PLEKHA5: variants seen among roughly 807,000 people sequenced by gnomAD.
PLEKHA5 encodes the protein pleckstrin homology domain containing A5.
Under a neutral mutation model 181.9 loss-of-function variants are expected in PLEKHA5, and 55 were observed. That is an observed-to-expected ratio of 0.30 (90% CI 0.24 to 0.38). The LOEUF is 0.38. PLEKHA5 is among the 10% of genes least tolerant of loss of function. PLEKHA5 has a pLI of 1.00. For synonymous variants in PLEKHA5, 535 were observed against 529.4 expected, an observed-to-expected ratio of 1.01 and a Z score of -0.15; for missense variants, 1,432 against 1,549.5, an observed-to-expected ratio of 0.92 and a Z score of 1.27.
chr12:19,157,097 T>TACACACACACAC (rs3056384), intron 3 of PLEKHA5, among the ~76,000 whole-genome samples: 2,053 of 143,246 alleles, frequency 0.014, 35 homozygotes, highest in Non-Finnish European at 0.018. Flanking sequence ...TATATGTACA[T>TACACACACACAC]ACACACACAC....
intron 3 of PLEKHA5, among the ~76,000 whole-genome samples, chr12:19,211,068 A>G (rs2056793237): frequency 6.6e-6 from 1 of 152,172 alleles, no homozygotes; most frequent in African/African-American, 2.4e-5. Flanking sequence ...GGACTATTAC[A>G]TTATATTCTT....
chr12:19,142,770 A>C, intron 3 of PLEKHA5, among the ~76,000 whole-genome samples: 1 of 152,156 alleles, frequency 6.6e-6, no homozygotes, highest in East Asian at 1.9e-4. Context: ...TTCATCTTCT[A>C]TAAGTGTAAC....
At position 19,287,455 on chromosome 12, in the gene PLEKHA5, G is replaced by A. The variant is rs751055127; in HGVS notation, c.1780-18G>A. The A allele has an allele frequency of 2.0e-6, 3 of 1,529,500 alleles. No individual in the cohort carries two copies. In the East Asian group the frequency reaches 6.8e-5, roughly 34 times the overall value. The allele number at this position is 1,529,500 out of a possible 1,614,324, so 94.7% of individuals were successfully genotyped here. On this transcript the variant is annotated intron_variant, in intron 12 of 31. Coordinates refer to ENST00000429027, the MANE Select transcript of PLEKHA5 (RefSeq NM_001256470.2). ...AAAAACTTTACCACAGAATTACATT[G>A]TGCCTTTACTTTCCTAGCATGTCTA...
At chr12:19,176,749 G>C (rs1209507512) in intron 3 of PLEKHA5, among the ~76,000 whole-genome samples, 1 of 152,016 alleles carries the variant, frequency 6.6e-6, no homozygotes, top group Admixed American at 6.6e-5. Flanking sequence ...TTAACTTTCT[G>C]TATTTACTTA....
chr12:19,324,102 C>T (rs1279088109), intron 20 of PLEKHA5, among the ~76,000 whole-genome samples: 2 of 152,076 alleles, frequency 1.3e-5, no homozygotes, highest in African/African-American at 2.4e-5. Flanking sequence ...CTTCAATGGG[C>T]TAGGGAGCAG....
intron 3 of PLEKHA5, chr12:19,147,027 C>T (rs978808348): frequency 9.2e-5 from 14 of 152,082 alleles, no homozygotes; most frequent in African/African-American, 2.7e-4. Context: ...AGATAAAGTA[C>T]GTGGGTATAT....
At chr12:19,223,787 C>T (rs1000194958) in intron 3 of PLEKHA5, among the ~76,000 whole-genome samples, 1 of 152,090 alleles carries the variant, frequency 6.6e-6, no homozygotes, top group Non-Finnish European at 1.5e-5. Flanking sequence ...TTAATGGGGT[C>T]AAGCAGCAGA....
chr12:19,207,608 A>G (rs1480526675), intron 3 of PLEKHA5: 1 of 152,184 alleles, frequency 6.6e-6, no homozygotes, highest in African/African-American at 2.4e-5. Flanking sequence ...CGTTTGGGGA[A>G]TAATAGACCA....
At chr12:19,371,970 T>C (rs1363128432) in intron 31 of PLEKHA5, 1 of 152,160 alleles carries the variant, frequency 6.6e-6, no homozygotes, top group East Asian at 1.9e-4. Context: ...CATACCAACA[T>C]CTGTTGTTTT....
At chr12:19,305,527 C>A (rs1389339349) in intron 15 of PLEKHA5, among the ~76,000 whole-genome samples, 1 of 142,258 alleles carries the variant, frequency 7.0e-6, no homozygotes, top group African/African-American at 2.6e-5. Context: ...CACTGCTGCA[C>A]TCCAGCCTGG....
chr12:19,227,193 A>G (rs1209027327), intron 3 of PLEKHA5, among the ~76,000 whole-genome samples: 2 of 151,956 alleles, frequency 1.3e-5, no homozygotes, highest in African/African-American at 2.4e-5. Context: ...ACAGAATGTG[A>G]TAGACCATTC....
intron 15 of PLEKHA5, among the ~76,000 whole-genome samples, chr12:19,296,611 C>G (rs1429233806): frequency 1.3e-5 from 2 of 152,112 alleles, no homozygotes; most frequent in South Asian, 4.2e-4. Flanking sequence ...ATGCCTTCTT[C>G]AGCAGATCTA....
chr12:19,181,167 A>G (rs2048470075), intron 3 of PLEKHA5, among the ~76,000 whole-genome samples: 1 of 152,250 alleles, frequency 6.6e-6, no homozygotes, highest in African/African-American at 2.4e-5. Context: ...ATGGAAGACT[A>G]TAGCACATTG....
At chr12:19,150,093 A>T (rs2040018537) in intron 3 of PLEKHA5, 1 of 152,198 alleles carries the variant, frequency 6.6e-6, no homozygotes, top group Admixed American at 6.5e-5. Context: ...GAAATATGGG[A>T]TTACACTTGA....
chr12:19,311,155 C>T lies in PLEKHA5; in HGVS notation c.2038-3659C>T, dbSNP rs1237069849. Among the ~76,000 whole-genome samples the T allele has an allele frequency of 5.3e-5, 8 of 151,208 alleles. No individual in the cohort carries two copies. The East Asian group carries it at 5.8e-4, about 11-fold the overall frequency. ...ACCTCTTTCAGAATTGGAGTGGGGT[C>T]GGGCATGGTGTCTCATGCCTGTCAC... On this transcript the variant is annotated intron_variant, in intron 15 of 31. Transcript: ENST00000429027.
chr12:19,200,193 T>C lies in PLEKHA5; in HGVS notation c.228-53747T>C, dbSNP rs2053867270. The C allele has an allele frequency of 6.4e-6, 4 of 628,736 alleles. No homozygotes were observed. In the South Asian group the frequency reaches 8.5e-5, roughly 13 times the overall value. 38.9% of individuals were successfully genotyped at this position (628,736 alleles called of 1,614,324 possible). ...AGGTGATGGATCCCCTCAAATAACC[T>C]AACTTGATCATTACACTTTCCATGC... On this transcript the variant is annotated intron_variant, in intron 3 of 31. Transcript: ENST00000429027.
At chr12:19,326,684 C>T (rs2092147653) in intron 20 of PLEKHA5, among the ~76,000 whole-genome samples, 1 of 152,144 alleles carries the variant, frequency 6.6e-6, no homozygotes. Context: ...ACCCAGGTAC[C>T]TAGCATAGTA....
At chr12:19,259,791 T>A (rs1006976316) in intron 6 of PLEKHA5, among the ~76,000 whole-genome samples, 6 of 149,068 alleles carry the variant, frequency 4.0e-5, no homozygotes, top group East Asian at 1.9e-4. Context: ...CATTTAATTT[T>A]TTTTTTTTTT....
intron 21 of PLEKHA5, among the ~76,000 whole-genome samples, chr12:19,336,936 T>G (rs1021857199): frequency 2.6e-5 from 4 of 152,006 alleles, no homozygotes; most frequent in Non-Finnish European, 1.5e-5. Flanking sequence ...GGTATTGAGA[T>G]GTTGAATTAT....
Sources: allele counts gnomAD v4.1 joint callset (sites outside exome capture counted in the v4.1 genomes callset), GRCh38; gene constraint gnomAD v4.1.1; transcripts MANE v1.5; gene names NCBI Gene and HGNC (gene_info 2026-07-23, HGNC 2026-07-21).